Variants in CXCL13 observed in about 807,000 individuals in gnomAD.
CXCL13 encodes the protein C-X-C motif chemokine 13.
Under a neutral mutation model 12.2 loss-of-function variants are expected in CXCL13, and 7 were observed. The ratio of observed to expected loss-of-function variants is 0.57; its 90% CI spans 0.33 to 1.07. The LOEUF (loss-of-function observed/expected upper bound fraction) is 1.07. Ranked by LOEUF, CXCL13 falls within the 50% of genes least tolerant of loss-of-function variation. The pLI, the probability that CXCL13 is intolerant of heterozygous loss-of-function variation, is 0.04. For synonymous variants in CXCL13, 47 were observed against 42.4 expected (o/e 1.11, Z -0.42); for missense variants, 113 against 127.4 (o/e 0.89, Z 0.55).
At chr4:77,521,274 T>C (rs1724590897) in intron 1 of CXCL13, among the ~76,000 whole-genome samples, 1 of 152,234 alleles carries the variant, frequency 6.6e-6, no homozygotes. Flanking sequence ...TTGATTGTAA[T>C]GATTCCAGAA....
intron 1 of CXCL13, among the ~76,000 whole-genome samples, chr4:77,520,043 C>G (rs187176451): frequency 6.6e-6 from 1 of 152,098 alleles, no homozygotes; most frequent in Non-Finnish European, 1.5e-5. Context: ...GGTGTTATTT[C>G]TGAGGGCTCT....
At chr4:77,525,502 G>A (rs920371341) in intron 1 of CXCL13, among the ~76,000 whole-genome samples, 4 of 152,102 alleles carry the variant, frequency 2.6e-5, no homozygotes, top group Non-Finnish European at 5.9e-5. Context: ...TGTGTGGGTG[G>A]AAGTGTTGTT....
chr4:77,562,438 C>T (rs1295336166), intron 1 of CXCL13, among the ~76,000 whole-genome samples: 1 of 152,066 alleles, frequency 6.6e-6, no homozygotes, highest in Non-Finnish European at 1.5e-5. Context: ...ACCTTTATGT[C>T]TAGCTAAGGG....
At chr4:77,564,387 T>C (rs1160109079) in intron 1 of CXCL13, among the ~76,000 whole-genome samples, 1 of 152,230 alleles carries the variant, frequency 6.6e-6, no homozygotes, top group African/African-American at 2.4e-5. Flanking sequence ...CAAGTTTGAC[T>C]TGGAGCCAGC....
chr4:77,512,895 G>A (rs185176374), intron 1 of CXCL13, among the ~76,000 whole-genome samples: 2 of 152,084 alleles, frequency 1.3e-5, no homozygotes, highest in East Asian at 3.9e-4. Context: ...CATCATTTAC[G>A]TTAGGTATTT....
intron 1 of CXCL13, among the ~76,000 whole-genome samples, chr4:77,523,859 G>T (rs1014825473): frequency 1.3e-5 from 2 of 152,152 alleles, no homozygotes; most frequent in African/African-American, 2.4e-5. Context: ...TACCTACCTT[G>T]GTCTTTGATG....
intron 1 of CXCL13, among the ~76,000 whole-genome samples, chr4:77,529,209 G>A (rs1279778530): frequency 2.6e-5 from 4 of 152,170 alleles, no homozygotes; most frequent in Admixed American, 6.5e-5. Flanking sequence ...AGGTCAGGTA[G>A]CGTGATGCCT....
At chr4:77,558,729 T>C (rs758539659) in intron 1 of CXCL13, among the ~76,000 whole-genome samples, 3 of 152,192 alleles carry the variant, frequency 2.0e-5, no homozygotes, top group Non-Finnish European at 2.9e-5. Context: ...AATGTTCCCA[T>C]ACCACGTGTC....
intron 1 of CXCL13, among the ~76,000 whole-genome samples, chr4:77,529,300 T>G (rs1578038372): frequency 6.6e-6 from 1 of 152,190 alleles, no homozygotes; most frequent in South Asian, 2.1e-4. Context: ...AAGTAGATTT[T>G]TCTAATTCTG....
Position 77,611,141 on chromosome 4 carries a change from C to T in CXCL13, c.*102C>T, listed in dbSNP as rs1312813312. On this transcript the variant is annotated 3_prime_UTR_variant, in exon 4 of 4. Coordinates refer to ENST00000682537, the MANE Select transcript of CXCL13 (RefSeq NM_001371558.1). Reference sequence around the variant, plus strand: ...TCTTTTCCAGGAAAAAGAACTTCCCCATACAAATAAGCATGAGACTATGTA... The same window carrying T: ...TCTTTTCCAGGAAAAAGAACTTCCCTATACAAATAAGCATGAGACTATGTA... 1.0e-6 allele frequency: 1 copy of T among 991,648 alleles called. No individual in the cohort carries two copies. Among genetic ancestry groups the T allele is most frequent in the Non-Finnish European group, 1.5e-6 (1 of 653,646 alleles). The allele number at this position is 991,648 out of a possible 1,614,324, so 61.4% of individuals were successfully genotyped here.
At chr4:77,522,989 A>G (rs962872068) in intron 1 of CXCL13, among the ~76,000 whole-genome samples, 5 of 152,196 alleles carry the variant, frequency 3.3e-5, no homozygotes, top group Non-Finnish European at 5.9e-5. Flanking sequence ...GCTGGATATT[A>G]AATTCTAGGT....
intron 1 of CXCL13, among the ~76,000 whole-genome samples, chr4:77,550,173 G>T (rs745438723): frequency 5.9e-5 from 9 of 152,346 alleles, no homozygotes; most frequent in Admixed American, 5.9e-4. Flanking sequence ...ATCTCCTAGT[G>T]TGCCACTTGC....
At chr4:77,607,375 T>G (rs111574492) in intron 1 of CXCL13, among the ~76,000 whole-genome samples, 58 of 152,304 alleles carry the variant, frequency 3.8e-4, no homozygotes, top group African/African-American at 1.4e-3. Flanking sequence ...CTTTCTGAGA[T>G]GGGGTCTCCG....
At chr4:77,600,927 C>A (rs567781901), upstream of CXCL13, among the ~76,000 whole-genome samples, 2 of 152,228 alleles carry the variant, frequency 1.3e-5, no homozygotes, top group East Asian at 3.9e-4. Context: ...ATTTTTAAAG[C>A]AATAAGTCAA....
intron 1 of CXCL13, among the ~76,000 whole-genome samples, chr4:77,551,030 A>T (rs1453277847): frequency 1.3e-5 from 2 of 152,138 alleles, no homozygotes; most frequent in Non-Finnish European, 2.9e-5. Flanking sequence ...TATGTGTGAG[A>T]TAGATCTCTT....
chr4:77,525,606 C>G (rs549194957), intron 1 of CXCL13, among the ~76,000 whole-genome samples: 1 of 151,884 alleles, frequency 6.6e-6, no homozygotes, highest in Non-Finnish European at 1.5e-5. Flanking sequence ...ACATATGACA[C>G]AGTTGAGTCT....
intron 1 of CXCL13, among the ~76,000 whole-genome samples, chr4:77,563,453 T>C (rs1207467597): frequency 2.0e-5 from 3 of 152,234 alleles, no homozygotes; most frequent in Admixed American, 2.0e-4. Flanking sequence ...ACCTCATCTC[T>C]ACTTCCCTGC....
Position 77,537,344 on chromosome 4 carries a change from A to G in CXCL13, c.-43+25556A>G, listed in dbSNP as rs901699004. 1.6e-4 allele frequency among the ~76,000 whole-genome samples: 25 copies of G among 152,306 alleles called. No individual in the cohort carries two copies. The East Asian group carries it at 1.9e-3, about 12-fold the overall frequency. ...AGTTGTAGAGATGCAGCTGATTCACATAAGGAGCAAGCCAGGGGAAATCAA... is the reference window on the plus strand; with the variant it reads ...AGTTGTAGAGATGCAGCTGATTCACGTAAGGAGCAAGCCAGGGGAAATCAA... On this transcript the variant is annotated intron_variant, in intron 1 of 4. Coordinates refer to the CXCL13 transcript ENST00000286758.
At chr4:77,515,963 T>A (rs1179132248) in intron 1 of CXCL13, among the ~76,000 whole-genome samples, 1 of 152,204 alleles carries the variant, frequency 6.6e-6, no homozygotes, top group Non-Finnish European at 1.5e-5. Flanking sequence ...ATAGCTCTTA[T>A]TGTTTTGAGA....
Sources: allele counts gnomAD v4.1 joint callset (sites outside exome capture counted in the v4.1 genomes callset), GRCh38; gene constraint gnomAD v4.1.1; transcripts MANE v1.5; gene names NCBI Gene and HGNC (gene_info 2026-07-23, HGNC 2026-07-21).